The following THSD7B variants were observed in gnomAD, a reference collection of about 807,000 sequenced individuals.
The protein encoded by THSD7B is thrombospondin type-1 domain-containing protein 7B.
A neutral mutation model predicts 213.6 loss-of-function variants in THSD7B; 138 were observed. The ratio of observed to expected loss-of-function variants is 0.65; its 90% CI spans 0.56 to 0.74. The LOEUF is 0.74. THSD7B is among the 30% of genes least tolerant of loss of function. The probability of loss-of-function intolerance (pLI) is 0.00; values close to 1 mark genes in which losing one functional copy is unlikely to be tolerated. For missense variants in THSD7B, 1,931 were observed against 1,991.5 expected (o/e 0.97, Z 0.58); for synonymous variants, 742 against 687.0 (o/e 1.08, Z -1.25).
chr2:137,165,152 G>T (rs1354383426), intron 6 of THSD7B, among the ~76,000 whole-genome samples: 5 of 152,162 alleles, frequency 3.3e-5, no homozygotes, highest in Admixed American at 3.3e-4. Flanking sequence ...TGAGATTGAT[G>T]AGAATTAGCC....
chr2:137,266,903 G>T (rs1401758540), intron 10 of THSD7B, among the ~76,000 whole-genome samples: 1 of 152,088 alleles, frequency 6.6e-6, no homozygotes, highest in Non-Finnish European at 1.5e-5. Context: ...CTTTATTGTA[G>T]CTCATTAATC....
At chr2:137,299,340 T>C (rs893708178) in intron 12 of THSD7B, among the ~76,000 whole-genome samples, 3 of 152,132 alleles carry the variant, frequency 2.0e-5, no homozygotes, top group African/African-American at 7.2e-5. Context: ...TTTTACTGGC[T>C]CATAGGCAGA....
At chr2:137,119,678 A>G (rs1403040598) in intron 5 of THSD7B, among the ~76,000 whole-genome samples, 1 of 152,082 alleles carries the variant, frequency 6.6e-6, no homozygotes, top group Admixed American at 6.6e-5. Flanking sequence ...TTTGTTTTTG[A>G]GAATATGGAT....
intron 2 of THSD7B, among the ~76,000 whole-genome samples, chr2:136,938,873 G>A (rs1684774356): frequency 6.6e-6 from 1 of 152,056 alleles, no homozygotes; most frequent in Non-Finnish European, 1.5e-5. Context: ...TGCCAAAATA[G>A]GATATTTATT....
At chr2:137,309,001 A>G (rs1258086571) in intron 12 of THSD7B, among the ~76,000 whole-genome samples, 1 of 152,116 alleles carries the variant, frequency 6.6e-6, no homozygotes, top group African/African-American at 2.4e-5. Context: ...TAACTTTAGG[A>G]CCTACTTCTA....
intron 20 of THSD7B, among the ~76,000 whole-genome samples, chr2:137,637,642 T>A (rs183595033): frequency 6.6e-6 from 1 of 152,158 alleles, no homozygotes; most frequent in Non-Finnish European, 1.5e-5. Flanking sequence ...GACTTCATTA[T>A]TTTAAAAGTA....
intron 15 of THSD7B, among the ~76,000 whole-genome samples, chr2:137,543,735 G>A (rs1422680195): frequency 6.6e-6 from 1 of 151,596 alleles, no homozygotes; most frequent in Non-Finnish European, 1.5e-5. Flanking sequence ...GTGTAGTATT[G>A]AGGATAAATA....
At chr2:137,118,635 T>C (rs910946346) in intron 5 of THSD7B, among the ~76,000 whole-genome samples, 1 of 152,108 alleles carries the variant, frequency 6.6e-6, no homozygotes, top group Non-Finnish European at 1.5e-5. Flanking sequence ...TCTGAATTGT[T>C]AAATGCATTA....
At chr2:137,504,849 T>C (rs1434689807) in intron 15 of THSD7B, among the ~76,000 whole-genome samples, 1 of 151,900 alleles carries the variant, frequency 6.6e-6, no homozygotes, top group African/African-American at 2.4e-5. Context: ...ATAGGCAGAC[T>C]CCAAAACAAG....
intron 1 of THSD7B, among the ~76,000 whole-genome samples, chr2:136,825,639 C>T (rs1682633356): frequency 6.6e-6 from 1 of 152,082 alleles, no homozygotes; most frequent in East Asian, 1.9e-4. Flanking sequence ...ACTGCAACCA[C>T]CTCCTGGGTT....
chr2:137,511,535 G>T (rs1679961127), intron 15 of THSD7B, among the ~76,000 whole-genome samples: 1 of 152,192 alleles, frequency 6.6e-6, no homozygotes, highest in Admixed American at 6.5e-5. Context: ...CTCTGAAGGA[G>T]GCAGTCCTTG....
At chr2:136,805,713 G>T (rs1208414476) in intron 1 of THSD7B, among the ~76,000 whole-genome samples, 1 of 152,186 alleles carries the variant, frequency 6.6e-6, no homozygotes, top group Non-Finnish European at 1.5e-5. Context: ...GGGAGGGGCT[G>T]GGAGAAAAGT....
intron 2 of THSD7B, among the ~76,000 whole-genome samples, chr2:136,982,251 A>G (rs763645728): frequency 3.9e-5 from 6 of 152,046 alleles, no homozygotes; most frequent in Non-Finnish European, 8.8e-5. Context: ...CTCTCTCCAA[A>G]ATACTCTTTC....
At chr2:137,554,127 T>C (rs368513446) in intron 15 of THSD7B, among the ~76,000 whole-genome samples, 3 of 152,134 alleles carry the variant, frequency 2.0e-5, no homozygotes, top group African/African-American at 7.2e-5. Context: ...AAAGAAAAGA[T>C]TTTTATTTTT....
At chr2:136,945,005 A>G (rs538698043) in intron 2 of THSD7B, among the ~76,000 whole-genome samples, 4 of 152,218 alleles carry the variant, frequency 2.6e-5, no homozygotes, top group African/African-American at 9.6e-5. Context: ...ACAATTTGGC[A>G]TGTTTTTGCA....
intron 2 of THSD7B, among the ~76,000 whole-genome samples, chr2:136,933,008 G>C (rs1684656563): frequency 6.6e-6 from 1 of 152,072 alleles, no homozygotes; most frequent in African/African-American, 2.4e-5. Flanking sequence ...AAAGAAAGGC[G>C]GTTTTGGAAG....
intron 2 of THSD7B, among the ~76,000 whole-genome samples, chr2:137,023,480 A>T (rs13411176): frequency 0.071 from 10,814 of 152,222 alleles, 417 homozygotes; most frequent in East Asian, 0.15. Flanking sequence ...CCTGGGAAGC[A>T]TAGGGAAAGG....
In THSD7B at chr2:136,772,113, A is replaced by G. The variant is rs368688406; in HGVS notation, c.-36+6426A>G. ...AAGGTGAATGCAACTGGTAAACCAC[A>G]GAGCCTAGATGTGTATCCCAGATTG... On this transcript the variant is annotated intron_variant, in intron 1 of 27. Transcript: ENST00000409968. Among the ~76,000 whole-genome samples the G allele has an allele frequency of 2.7e-5, 4 of 146,866 alleles. No individual in the cohort carries two copies. The East Asian group carries it at 7.7e-4, about 28-fold the overall frequency.
chr2:137,503,209 A>G (rs1371756907), intron 15 of THSD7B, among the ~76,000 whole-genome samples: 1 of 152,162 alleles, frequency 6.6e-6, no homozygotes, highest in Non-Finnish European at 1.5e-5. Flanking sequence ...TACTTTGTAT[A>G]TAGTAAAATC....
Sources: allele counts gnomAD v4.1 joint callset (sites outside exome capture counted in the v4.1 genomes callset), GRCh38; gene constraint gnomAD v4.1.1; transcripts MANE v1.5; gene names NCBI Gene and HGNC (gene_info 2026-07-23, HGNC 2026-07-21).